VAV3: variants seen among roughly 807,000 people sequenced by gnomAD.
The protein encoded by VAV3 is vav guanine nucleotide exchange factor 3, also known as guanine nucleotide exchange factor VAV3.
A neutral mutation model predicts 131.2 loss-of-function variants in VAV3; 94 were observed. The ratio of observed to expected loss-of-function variants is 0.72; its 90% CI spans 0.61 to 0.85. The LOEUF (loss-of-function observed/expected upper bound fraction) is 0.85. VAV3 is among the 40% of genes least tolerant of loss of function. VAV3 has a pLI of 0.00. For missense variants in VAV3, 939 were observed against 1,002.7 expected (o/e 0.94, Z 0.86); for synonymous variants, 349 against 342.0 (o/e 1.02, Z -0.22).
chr1:107,962,741 T>C (rs1675160008), intron 1 of VAV3, among the ~76,000 whole-genome samples: 1 of 152,170 alleles, frequency 6.6e-6, no homozygotes, highest in African/African-American at 2.4e-5. Flanking sequence ...CAGGAGAAAC[T>C]GTACTTAATT....
intron 25 of VAV3, chr1:107,578,990 TTAAAA>T: frequency 2.3e-6 from 2 of 851,584 alleles, no homozygotes; most frequent in South Asian, 5.4e-5. Flanking sequence ...ATCTGTAATC[TTAAAA>T]TATCTACTAT....
At chr1:107,932,244 G>C (rs191125590) in intron 1 of VAV3, among the ~76,000 whole-genome samples, 1 of 152,180 alleles carries the variant, frequency 6.6e-6, no homozygotes, top group Non-Finnish European at 1.5e-5. Flanking sequence ...GTTCAAGAGC[G>C]GGCATTAAGA....
chr1:107,737,437 A>C (rs1341344187), intron 15 of VAV3, among the ~76,000 whole-genome samples: 1 of 152,184 alleles, frequency 6.6e-6, no homozygotes, highest in Non-Finnish European at 1.5e-5. Context: ...AATGGAAGAA[A>C]ATTTTTGCAA....
chr1:107,824,080 C>T (rs1035370115), intron 2 of VAV3, among the ~76,000 whole-genome samples: 24 of 152,042 alleles, frequency 1.6e-4, no homozygotes, highest in African/African-American at 5.6e-4. Flanking sequence ...AGCAGGGAGA[C>T]GTGAACTGAG....
chr1:107,884,409 TTATTATTA>T (rs1557901060), intron 1 of VAV3, among the ~76,000 whole-genome samples: 16 of 1,184 alleles, frequency 0.014, no homozygotes, highest in African/African-American at 0.021. Context: ...AAATTATTTA[TTATTATTA>T]TTATTATTAT....
chr1:107,735,558 A>T (rs1300980523), intron 15 of VAV3, among the ~76,000 whole-genome samples: 1 of 152,204 alleles, frequency 6.6e-6, no homozygotes, highest in Non-Finnish European at 1.5e-5. Flanking sequence ...ACAAACTACC[A>T]TCAGAGAATA....
intron 19 of VAV3, among the ~76,000 whole-genome samples, chr1:107,681,695 C>G (rs1658623989): frequency 6.7e-6 from 1 of 148,632 alleles, no homozygotes; most frequent in Admixed American, 6.7e-5. Context: ...CGCTTTGTCA[C>G]CAGGCTGGAG....
intron 20 of VAV3, among the ~76,000 whole-genome samples, chr1:107,634,913 C>A (rs1456841572): frequency 6.6e-6 from 1 of 151,878 alleles, no homozygotes; most frequent in African/African-American, 2.4e-5. Context: ...ATCAAAACCA[C>A]AACGAGATAC....
chr1:107,894,047 G>A (rs1671452356), intron 1 of VAV3, among the ~76,000 whole-genome samples: 1 of 152,188 alleles, frequency 6.6e-6, no homozygotes, highest in African/African-American at 2.4e-5. Context: ...AGCACACACA[G>A]AATACTGATT....
At chr1:107,947,083 G>C (rs1010475833) in intron 1 of VAV3, among the ~76,000 whole-genome samples, 1 of 152,144 alleles carries the variant, frequency 6.6e-6, no homozygotes, top group Admixed American at 6.5e-5. Context: ...TTGAACTCTA[G>C]AGCCTATAAC....
At chr1:107,835,596 T>G (rs1668441149) in intron 2 of VAV3, among the ~76,000 whole-genome samples, 1 of 152,086 alleles carries the variant, frequency 6.6e-6, no homozygotes, top group African/African-American at 2.4e-5. Context: ...AACAGCCCAA[T>G]GATCTGGGCA....
At chr1:107,624,619 C>T (rs968626441) in intron 20 of VAV3, among the ~76,000 whole-genome samples, 2 of 152,126 alleles carry the variant, frequency 1.3e-5, no homozygotes, top group African/African-American at 4.8e-5. Flanking sequence ...TTTTCTAATA[C>T]TGGCAGACAA....
At chr1:107,800,374 T>TA (rs1354728503) in intron 2 of VAV3, among the ~76,000 whole-genome samples, 3 of 152,160 alleles carry the variant, frequency 2.0e-5, no homozygotes, top group Non-Finnish European at 4.4e-5. Flanking sequence ...CTGCCCTTGT[T>TA]ATAAAAGCCA....
chr1:107,764,799 C>A (rs1028986019), intron 9 of VAV3, among the ~76,000 whole-genome samples: 1 of 152,138 alleles, frequency 6.6e-6, no homozygotes, highest in African/African-American at 2.4e-5. Flanking sequence ...TCAGCTTTCT[C>A]ATAAGATGAG....
rs1360204420 is a variant in VAV3 at position 107,572,298 on chromosome 1, A to G, written c.*1033T>C. The G allele has an allele frequency of 6.6e-6, 1 of 152,250 alleles. No homozygotes were observed. Among genetic ancestry groups the G allele is most frequent in the African/African-American group, 2.4e-5 (1 of 41,466 alleles). The allele number at this position is 152,250 out of a possible 1,614,324, so 9.4% of individuals were successfully genotyped here. Reference sequence around the variant, plus strand: ...TGTCCCAGAAATGAATAAAGGACCCAGTTGTGCTTTCCTTCCAAAATCCTC... The same window carrying G: ...TGTCCCAGAAATGAATAAAGGACCCGGTTGTGCTTTCCTTCCAAAATCCTC... On this transcript the variant is annotated 3_prime_UTR_variant, in exon 27 of 27. Coordinates refer to ENST00000370056, the MANE Select transcript of VAV3 (RefSeq NM_006113.5).
chr1:107,914,885 A>G (rs1023586843), intron 1 of VAV3, among the ~76,000 whole-genome samples: 5 of 152,236 alleles, frequency 3.3e-5, no homozygotes, highest in Non-Finnish European at 5.9e-5. Flanking sequence ...AAGCAGCAGC[A>G]AGGCCTGGAG....
intron 2 of VAV3, among the ~76,000 whole-genome samples, chr1:107,846,253 G>A (rs1021608418): frequency 6.6e-6 from 1 of 152,206 alleles, no homozygotes; most frequent in Non-Finnish European, 1.5e-5. Context: ...AATGCTGAGA[G>A]ATTTTATCAC....
chr1:107,940,148 A>T (rs545797380), intron 1 of VAV3, among the ~76,000 whole-genome samples: 25 of 152,242 alleles, frequency 1.6e-4, no homozygotes, highest in Admixed American at 3.9e-4. Context: ...AGAATTGTAG[A>T]GGTTTTTGTT....
chr1:107,592,170 A>T (rs1187174761), intron 25 of VAV3, among the ~76,000 whole-genome samples: 1 of 152,108 alleles, frequency 6.6e-6, no homozygotes, highest in Non-Finnish European at 1.5e-5. Flanking sequence ...AATCTGAAAC[A>T]GTTCCTCAGA....
Sources: allele counts gnomAD v4.1 joint callset (sites outside exome capture counted in the v4.1 genomes callset), GRCh38; gene constraint gnomAD v4.1.1; transcripts MANE v1.5; gene names NCBI Gene and HGNC (gene_info 2026-07-23, HGNC 2026-07-21).